The following RANBP17 variants were observed in gnomAD, a reference collection of about 807,000 sequenced individuals.
RANBP17 encodes RAN binding protein 17.
RANBP17 carries 158 observed loss-of-function variants against 141.2 expected under a neutral mutation model. The observed-to-expected ratio is 1.12, with a 90% CI of 0.98 to 1.28. The LOEUF (loss-of-function observed/expected upper bound fraction) is 1.28, where lower values mean the gene tolerates loss of function less well. Ranked by LOEUF, RANBP17 falls within the 50% of genes most tolerant of loss-of-function variation. The pLI is 0.00. For synonymous variants in RANBP17, 430 were observed against 450.0 expected, an observed-to-expected ratio of 0.96 and a Z score of 0.56; for missense variants, 1,438 against 1,290.7, an observed-to-expected ratio of 1.11 and a Z score of -1.75.
intron 14 of RANBP17, among the ~76,000 whole-genome samples, chr5:171,095,538 C>T (rs1786627797): frequency 6.6e-6 from 1 of 152,070 alleles, no homozygotes; most frequent in Admixed American, 6.5e-5. Flanking sequence ...TTATAGCCTA[C>T]CAAAGGAACT....
intron 14 of RANBP17, among the ~76,000 whole-genome samples, chr5:171,166,110 G>A (rs950250674): frequency 2.0e-5 from 3 of 152,104 alleles, no homozygotes; most frequent in African/African-American, 7.2e-5. Context: ...AAAAAACAGA[G>A]CATCATTTCT....
intron 14 of RANBP17, among the ~76,000 whole-genome samples, chr5:171,062,344 G>T (rs1036070438): frequency 1.3e-5 from 2 of 152,300 alleles, no homozygotes; most frequent in East Asian, 3.9e-4. Flanking sequence ...AGCTCTTGTA[G>T]GGCAGGCCTA....
At chr5:170,940,169 A>G (rs1345634451) in intron 12 of RANBP17, among the ~76,000 whole-genome samples, 5 of 152,174 alleles carry the variant, frequency 3.3e-5, no homozygotes, top group African/African-American at 1.2e-4. Context: ...TAAAACATGG[A>G]AAGTTGAAAG....
intron 18 of RANBP17, among the ~76,000 whole-genome samples, chr5:171,191,479 A>G (rs897817525): frequency 6.6e-6 from 1 of 152,126 alleles, no homozygotes; most frequent in Non-Finnish European, 1.5e-5. Context: ...ACGAGGTAGG[A>G]GATCGAGACC....
At chr5:171,241,283 G>A in intron 23 of RANBP17, 141 bp downstream of exon 23, 1 of 582,064 alleles carries the variant, frequency 1.7e-6, no homozygotes, top group East Asian at 2.9e-5. Context: ...CTAACTTACA[G>A]AATTTGGAAA....
At chr5:170,940,962 C>T (rs978401555) in intron 12 of RANBP17, among the ~76,000 whole-genome samples, 1 of 146,586 alleles carries the variant, frequency 6.8e-6, no homozygotes, top group Non-Finnish European at 1.5e-5. Context: ...AATTGCAAAA[C>T]AAAACAAAAA....
rs555398785 is a variant in RANBP17, at chr5:171,188,662, C to T, written c.2038+5232C>T. On this transcript the variant is annotated intron_variant, in intron 18 of 27. Transcript: ENST00000523189. ...AGAGTTTTTAAAACTAGGTCCGTGT[C>T]ACTCACATTTTCAGAACCTGGAAAT... Among the ~76,000 whole-genome samples the T allele has an allele frequency of 3.2e-4, 48 of 152,294 alleles. 3 individuals are homozygous for T. In the South Asian group the frequency reaches 9.7e-3, roughly 31 times the overall value.
intron 12 of RANBP17, among the ~76,000 whole-genome samples, chr5:170,936,368 G>A (rs943547994): frequency 6.6e-5 from 10 of 152,164 alleles, no homozygotes; most frequent in Admixed American, 6.5e-4. Context: ...CAGTCTCTCT[G>A]GGAGCTGCAG....
Position 171,189,064 on chromosome 5 carries a change from G to GT in RANBP17, c.2038+5643dup, listed in dbSNP as rs1312014996. ...AATAAATTCACATTTTTAGTTCAAAGTTTTTTTTTAAATGTAAATATCTGT... is the reference window on the plus strand; with the variant it reads ...AATAAATTCACATTTTTAGTTCAAAGTTTTTTTTTTAAATGTAAATATCTGT... On this transcript the variant is annotated intron_variant, in intron 18 of 27. Transcript: ENST00000523189. Among the ~76,000 whole-genome samples, 610 of 151,638 alleles carry GT rather than the reference G, an allele frequency of 4.0e-3. 4 individuals are homozygous for GT. The highest frequency in any genetic ancestry group is 0.014 in the African/African-American group (586 of 41,342).
chr5:171,025,586 T>C (rs1394016538), intron 14 of RANBP17, among the ~76,000 whole-genome samples: 1 of 100,314 alleles, frequency 1.0e-5, no homozygotes, highest in Non-Finnish European at 2.1e-5. Flanking sequence ...TCTTTTTTTC[T>C]TTTTTTTTTG....
chr5:171,217,189 TC>T (rs1189456021), intron 21 of RANBP17, among the ~76,000 whole-genome samples: 12 of 152,202 alleles, frequency 7.9e-5, no homozygotes, highest in Non-Finnish European at 1.6e-4. Flanking sequence ...TGTTATTGGT[TC>T]TGTTTATGTG....
At chr5:171,057,306 C>T (rs1239061772) in intron 14 of RANBP17, among the ~76,000 whole-genome samples, 1 of 151,990 alleles carries the variant, frequency 6.6e-6, no homozygotes, top group Non-Finnish European at 1.5e-5. Context: ...TTCCTGTGTT[C>T]CTTTTTATAG....
At chr5:170,869,323 C>CT (rs70982310) in intron 1 of RANBP17, among the ~76,000 whole-genome samples, 75,171 of 125,404 alleles carry the variant, frequency 0.6, 23,938 homozygotes, top group South Asian at 0.87. Context: ...GCTCACAACA[C>CT]TTTTTTTTTT....
chr5:171,123,708 G>GC (rs1756215529), intron 14 of RANBP17, among the ~76,000 whole-genome samples: 1 of 152,218 alleles, frequency 6.6e-6, no homozygotes, highest in African/African-American at 2.4e-5. Context: ...CTTAAGCAAA[G>GC]CCTCACCACA....
intron 12 of RANBP17, 57 bp downstream of exon 12, chr5:170,924,607 A>C (rs906388101): frequency 2.5e-5 from 28 of 1,119,312 alleles, no homozygotes; most frequent in African/African-American, 2.3e-4. Context: ...TAACATCATT[A>C]ATCACTTTAA....
intron 21 of RANBP17, 107 bp downstream of exon 21, chr5:171,213,845 G>C: frequency 1.2e-6 from 1 of 830,932 alleles, no homozygotes; most frequent in East Asian, 2.4e-5. Flanking sequence ...GTTAGCAAGA[G>C]CCCAGGAACC....
chr5:171,245,271 A>G (rs888309340), intron 24 of RANBP17, among the ~76,000 whole-genome samples: 3 of 152,092 alleles, frequency 2.0e-5, no homozygotes, highest in African/African-American at 7.2e-5. Context: ...TGTGTGCCAG[A>G]CATCATGAAT....
intron 11 of RANBP17, among the ~76,000 whole-genome samples, chr5:170,920,851 T>C (rs1235515147): frequency 6.6e-6 from 1 of 152,254 alleles, no homozygotes; most frequent in Non-Finnish European, 1.5e-5. Flanking sequence ...CCAGTGATGA[T>C]GAGCATTTTT....
At chr5:171,279,091 G>A (rs1767698430) in intron 25 of RANBP17, among the ~76,000 whole-genome samples, 2 of 152,108 alleles carry the variant, frequency 1.3e-5, no homozygotes, top group South Asian at 2.1e-4. Context: ...CCATCCCTGT[G>A]TTTTGCCTTT....
Sources: allele counts gnomAD v4.1 joint callset (sites outside exome capture counted in the v4.1 genomes callset), GRCh38; gene constraint gnomAD v4.1.1; transcripts MANE v1.5; gene names NCBI Gene and HGNC (gene_info 2026-07-23, HGNC 2026-07-21).